CCDC32: variants seen among roughly 807,000 people sequenced by gnomAD.
CCDC32 encodes coiled-coil domain-containing protein 32.
In CCDC32, 9 loss-of-function variants were observed where a neutral mutation model predicts 20.1. The ratio of observed to expected loss-of-function variants is 0.45; its 90% confidence interval spans 0.27 to 0.78. The LOEUF (loss-of-function observed/expected upper bound fraction) is 0.78. CCDC32 is among the 30% of genes least tolerant of loss of function. CCDC32 has a pLI of 0.16. For missense variants in CCDC32, 204 were observed against 215.5 expected (o/e 0.95, Z 0.33); for synonymous variants, 63 against 79.0 (o/e 0.80, Z 1.07).
downstream of CCDC32, among the ~76,000 whole-genome samples, chr15:40,552,481 CAAAAAAAAAA>C (rs58360713): frequency 1.1e-5 from 1 of 94,366 alleles, no homozygotes; most frequent in Non-Finnish European, 2.0e-5. Context: ...AACTCCATCT[CAAAAAAAAAA>C]AAAAAAAAAA....
downstream of CCDC32, among the ~76,000 whole-genome samples, chr15:40,529,961 G>A (rs545427453): frequency 2.2e-4 from 34 of 151,124 alleles, no homozygotes; most frequent in East Asian, 3.7e-3. Flanking sequence ...GCGCCCAGCC[G>A]GTTGGGATGC....
In CCDC32 at chr15:40,562,990, G is replaced by T. The variant is rs202227935; in HGVS notation, c.26C>A (p.Ser9Tyr). 1.1e-5 allele frequency: 18 copies of T among 1,614,082 alleles called. No homozygotes were observed. The highest frequency in any genetic ancestry group is 1.4e-5 in the Non-Finnish European group (16 of 1,180,050). The change falls in exon 2 of 4, where the codon TCT becomes TAT. Residue 9 changes from serine to tyrosine, a missense_variant. Ser to Tyr is a moderately radical substitution (Grantham distance 144). Transcript: ENST00000416810. ...ATCCTGGCCAGATCTTGTGGCTGTA[G>T]AGTCAGCGCTCTCAAACATTTTCAT... MKMFESAD[S>Y]TATRSGQDLW...
intron 3 of CCDC32, chr15:40,556,837 CA>C (rs10647113): frequency 0.012 from 1,315 of 111,152 alleles, 7 homozygotes; most frequent in African/African-American, 0.032. Flanking sequence ...GATTCCATCT[CA>C]AAAAAAAAAA....
chr15:40,521,069 C>T, the CCDC32 span, among the ~76,000 whole-genome samples: 1 of 152,120 alleles, frequency 6.6e-6, no homozygotes, highest in Non-Finnish European at 1.5e-5. Flanking sequence ...TTGTCATCTT[C>T]GCGTCGAGTA....
At chr15:40,522,828 C>CTT in the CCDC32 span, among the ~76,000 whole-genome samples, 9,028 of 131,066 alleles carry the variant, frequency 0.069, 423 homozygotes, top group African/African-American at 0.1. Context: ...GTTTTCCTTT[C>CTT]TTTTTTTTTT....
chr15:40,524,950 A>G (rs554798482), downstream of CCDC32, among the ~76,000 whole-genome samples: 1 of 148,804 alleles, frequency 6.7e-6, no homozygotes, highest in East Asian at 2.0e-4. Flanking sequence ...TGGTCTCCCA[A>G]CTCCTGGGGC....
At chr15:40,546,193 C>CTT (rs527377715) in intron 3 of CCDC32, among the ~76,000 whole-genome samples, 6 of 141,664 alleles carry the variant, frequency 4.2e-5, no homozygotes, top group Admixed American at 1.4e-4. Flanking sequence ...TTTTTCTTTC[C>CTT]TTTTTTTTTT....
downstream of CCDC32, among the ~76,000 whole-genome samples, chr15:40,532,714 CTTTTTTTTT>C (rs1189285245): frequency 3.3e-5 from 3 of 91,486 alleles, no homozygotes; most frequent in African/African-American, 8.1e-5. Flanking sequence ...TGTTTTCTTT[CTTTTTTTTT>C]TTTTTTTTTT....
intron 3 of CCDC32, among the ~76,000 whole-genome samples, chr15:40,545,626 G>A (rs1446112775): frequency 6.6e-6 from 1 of 152,154 alleles, no homozygotes; most frequent in Non-Finnish European, 1.5e-5. Flanking sequence ...GAGGAGCAAA[G>A]GCCCACTACT....
intron 3 of CCDC32, among the ~76,000 whole-genome samples, chr15:40,543,389 T>G (rs2141614883): frequency 6.6e-6 from 1 of 152,256 alleles, no homozygotes; most frequent in Non-Finnish European, 1.5e-5. Context: ...TGCATAAGTT[T>G]CTATTAAGCA....
At chr15:40,524,677 T>A (rs953868014), downstream of CCDC32, among the ~76,000 whole-genome samples, 10 of 151,232 alleles carry the variant, frequency 6.6e-5, no homozygotes, top group African/African-American at 2.4e-4. Context: ...CTGTCTTCAT[T>A]GGGGTGGTGG....
chr15:40,539,140 G>T, downstream of CCDC32: 1 of 987,842 alleles, frequency 1.0e-6, no homozygotes, highest in Non-Finnish European at 1.5e-6. Flanking sequence ...GGAAGTAGTT[G>T]TTGCTGTTTC....
At chr15:40,557,451 A>C in intron 2 of CCDC32, 79 bp from the exon 3 acceptor site, 1 of 1,452,440 alleles carries the variant, frequency 6.9e-7, no homozygotes, top group Non-Finnish European at 9.2e-7. Flanking sequence ...CAAAATACTA[A>C]CTTAAAAAAT....
intron 3 of CCDC32, among the ~76,000 whole-genome samples, chr15:40,544,487 G>C (rs1289467460): frequency 6.6e-6 from 1 of 152,190 alleles, no homozygotes; most frequent in Non-Finnish European, 1.5e-5. Flanking sequence ...AAAGTGCTGG[G>C]ATTGTTAAGC....
At chr15:40,541,754 A>G (rs1300374483) in intron 3 of CCDC32, among the ~76,000 whole-genome samples, 2 of 152,098 alleles carry the variant, frequency 1.3e-5, no homozygotes, top group African/African-American at 4.8e-5. Flanking sequence ...ACCCCCTAAA[A>G]TCAGCCACCT....
intron 2 of CCDC32, among the ~76,000 whole-genome samples, chr15:40,560,989 G>A (rs1353875701): frequency 6.6e-6 from 1 of 152,110 alleles, no homozygotes; most frequent in East Asian, 1.9e-4. Flanking sequence ...AGTAGATAAA[G>A]AAAATATGGA....
At position 40,561,464 on chromosome 15, in the gene CCDC32, C is replaced by T. The variant is rs1479847245; in HGVS notation, c.244+1308G>A. ...TTCCAGCCTGGGCAACAGAATGAGA[C>T]TCCGTCTCAAAAAAAAAAAACAAAA... On this transcript the variant is annotated intron_variant, in intron 2 of 3. Transcript: ENST00000416810. Among the ~76,000 whole-genome samples the T allele has an allele frequency of 3.4e-5, 5 of 148,472 alleles. No individual in the cohort carries two copies. In the South Asian group the frequency reaches 8.4e-4, roughly 25 times the overall value.
At chr15:40,530,282 A>G (rs1241705429), downstream of CCDC32, among the ~76,000 whole-genome samples, 3 of 111,450 alleles carry the variant, frequency 2.7e-5, no homozygotes, top group Non-Finnish European at 5.8e-5. Context: ...AACGAGCGAA[A>G]CTACATCTCA....
chr15:40,522,621 C>T, the CCDC32 span, among the ~76,000 whole-genome samples: 1 of 152,124 alleles, frequency 6.6e-6, no homozygotes. Flanking sequence ...TTTAGGTGTA[C>T]ATCTGCTTTT....
Sources: allele counts gnomAD v4.1 joint callset (sites outside exome capture counted in the v4.1 genomes callset), GRCh38; gene constraint gnomAD v4.1.1; transcripts MANE v1.5; gene names NCBI Gene and HGNC (gene_info 2026-07-23, HGNC 2026-07-21).